The following TFPI variants were observed in gnomAD, a reference collection of about 807,000 sequenced individuals.
TFPI encodes the protein tissue factor pathway inhibitor.
TFPI carries 15 observed loss-of-function variants against 34.6 expected under a neutral mutation model. That is an observed-to-expected ratio of 0.43 (90% CI 0.29 to 0.67). The LOEUF is 0.67. TFPI is among the 30% of genes least tolerant of loss of function. The probability of loss-of-function intolerance (pLI) is 0.15; values close to 1 mark genes in which losing one functional copy is unlikely to be tolerated. For synonymous variants in TFPI, 105 were observed against 120.1 expected (o/e 0.87, Z 0.82); for missense variants, 301 against 364.0 (o/e 0.83, Z 1.41).
In TFPI at chr2:187,554,253, G is replaced by C. The variant is rs891159835; in HGVS notation, c.-56C>G. On this transcript the variant is annotated 5_prime_UTR_variant, in exon 1 of 8. Transcript: ENST00000233156. ...AATGTTTTTTTCAAAACGGAGTTGA[G>C]GTTATTTTGTTTTTCCTTCCAGGTA... The C allele has an allele frequency of 1.3e-5, 2 of 152,042 alleles. No individual in the cohort carries two copies. Among genetic ancestry groups the C allele is most frequent in the African/African-American group, 4.8e-5 (2 of 41,390 alleles). 9.4% of individuals were successfully genotyped at this position (152,042 alleles called of 1,614,324 possible).
At chr2:187,484,670 C>T in intron 5 of TFPI, 141 bp downstream of exon 5, 1 of 671,432 alleles carries the variant, frequency 1.5e-6, no homozygotes, top group Non-Finnish European at 2.3e-6. Flanking sequence ...ACTACAGTCA[C>T]AAATCTCACA....
intron 1 of TFPI, among the ~76,000 whole-genome samples, chr2:187,548,097 A>C (rs1201012150): frequency 6.6e-6 from 1 of 152,116 alleles, no homozygotes; most frequent in Non-Finnish European, 1.5e-5. Context: ...AGAGTTATAC[A>C]GAAAGAAAGA....
chr2:187,553,191 A>G (rs1246375296), intron 1 of TFPI, among the ~76,000 whole-genome samples: 1 of 142,510 alleles, frequency 7.0e-6, no homozygotes, highest in Non-Finnish European at 1.6e-5. Flanking sequence ...CAAAATTGTC[A>G]CAACTTTCCC....
At chr2:187,476,592 A>C (rs1692393178) in intron 6 of TFPI, among the ~76,000 whole-genome samples, 1 of 152,052 alleles carries the variant, frequency 6.6e-6, no homozygotes, top group Non-Finnish European at 1.5e-5. Context: ...TTCCCACCCC[A>C]GCCTTCCAAA....
At chr2:187,478,641 A>G (rs377387629) in intron 6 of TFPI, 17 of 1,607,016 alleles carry the variant, frequency 1.1e-5, no homozygotes, top group Non-Finnish European at 1.4e-5. Flanking sequence ...TCACGTATAC[A>G]TATAAATATT....
intron 1 of TFPI, among the ~76,000 whole-genome samples, chr2:187,545,607 C>A (rs2106320514): frequency 6.6e-6 from 1 of 152,238 alleles, no homozygotes; most frequent in Admixed American, 6.5e-5. Context: ...GCTATTCTCA[C>A]AAATATTTTC....
chr2:187,487,647 G>A (rs915331115), intron 4 of TFPI, among the ~76,000 whole-genome samples: 8 of 151,238 alleles, frequency 5.3e-5, no homozygotes, highest in African/African-American at 1.7e-4. Context: ...TTAAAAGGAC[G>A]TTGGTTTCCC....
chr2:187,547,044 A>T (rs1374182594), intron 1 of TFPI: 1 of 152,204 alleles, frequency 6.6e-6, no homozygotes, highest in Non-Finnish European at 1.5e-5. Flanking sequence ...TTTCTCCTGA[A>T]GGCCTGTTTC....
At position 187,501,145 on chromosome 2, in the gene TFPI, T is replaced by C. The variant is rs8176427; in HGVS notation, c.121+2503A>G. Among the ~76,000 whole-genome samples, 506 of 152,254 alleles carry C rather than the reference T, an allele frequency of 3.3e-3. 3 individuals are homozygous for C. Among genetic ancestry groups the C allele is most frequent in the African/African-American group, 0.012 (484 of 41,544 alleles). ...GGTAATAATTATCTGCCAGCGGCCA[T>C]GAGAAAGCAAAACACATAGAGGGCA... On this transcript the variant is annotated intron_variant, in intron 2 of 7. Coordinates refer to ENST00000233156, the MANE Select transcript of TFPI (RefSeq NM_006287.6).
chr2:187,504,369 A>C (rs1451030963), intron 1 of TFPI, among the ~76,000 whole-genome samples: 1 of 152,118 alleles, frequency 6.6e-6, no homozygotes, highest in African/African-American at 2.4e-5. Flanking sequence ...GGACAAAAGA[A>C]GTGTCTGACA....
chr2:187,482,926 C>G (rs996300064), intron 6 of TFPI, among the ~76,000 whole-genome samples: 1 of 151,922 alleles, frequency 6.6e-6, no homozygotes, highest in Non-Finnish European at 1.5e-5. Context: ...TCGTAGATCT[C>G]ATGTCTCTTT....
chr2:187,517,404 C>G (rs972660284), intron 1 of TFPI: 2 of 151,940 alleles, frequency 1.3e-5, no homozygotes, highest in African/African-American at 2.4e-5. Flanking sequence ...TTATATTTAC[C>G]CAGTAGTCAT....
At chr2:187,498,038 A>C (rs1348236159) in intron 2 of TFPI, among the ~76,000 whole-genome samples, 1 of 151,834 alleles carries the variant, frequency 6.6e-6, no homozygotes, top group East Asian at 1.9e-4. Flanking sequence ...GAAACCTATA[A>C]ATGACCGAAA....
In TFPI at chr2:187,478,482, C is replaced by T. The variant is rs576237812; in HGVS notation, c.628+5642G>A. The T allele has an allele frequency of 1.5e-5, 11 of 725,912 alleles. No individual in the cohort carries two copies. The East Asian group carries it at 1.7e-4, about 11-fold the overall frequency. 45.0% of individuals were successfully genotyped at this position (725,912 alleles called of 1,614,324 possible). A position where few individuals can be genotyped will look rare whatever the true frequency, so the allele number is the denominator to read the frequency against. ...CTTTTTTTCCATGAATAGTTAGGTC[C>T]GGTCAAAAGACTCACAACTAGCACG... On this transcript the variant is annotated intron_variant, in intron 6 of 7. Coordinates refer to ENST00000233156, the MANE Select transcript of TFPI (RefSeq NM_006287.6).
At chr2:187,472,623 A>G (rs1251200983) in intron 6 of TFPI, among the ~76,000 whole-genome samples, 1 of 152,228 alleles carries the variant, frequency 6.6e-6, no homozygotes, top group Non-Finnish European at 1.5e-5. Flanking sequence ...GAAACTGCTT[A>G]TAGCTTGCCA....
In TFPI at chr2:187,506,390, T is replaced by C. The variant is rs1377159034; in HGVS notation, c.-2-2620A>G. On this transcript the variant is annotated intron_variant, in intron 1 of 7. Coordinates refer to ENST00000233156, the MANE Select transcript of TFPI (RefSeq NM_006287.6). ...GAGAAGAATGTACAGAGACTTCTCATACACCTCACACCCAGTTTCCCTATT... is the reference window on the plus strand; with the variant it reads ...GAGAAGAATGTACAGAGACTTCTCACACACCTCACACCCAGTTTCCCTATT... Among the ~76,000 whole-genome samples, 7 of 152,240 alleles carry C rather than the reference T, an allele frequency of 4.6e-5. No homozygotes were observed. The South Asian group carries it at 1.2e-3, about 27-fold the overall frequency.
Position 187,490,711 on chromosome 2 carries a change from TTTTAATTTAATCTAATTATCATTAAAG to T in TFPI, c.320-2363_320-2337del, listed in dbSNP as rs546900611. 2.9e-3 allele frequency among the ~76,000 whole-genome samples: 446 copies of T among 151,886 alleles called. 2 individuals are homozygous for T. Among genetic ancestry groups the T allele is most frequent in the Admixed American group, 4.3e-3 (65 of 15,252 alleles). On this transcript the variant is annotated intron_variant, in intron 3 of 7. Coordinates refer to ENST00000233156, the MANE Select transcript of TFPI (RefSeq NM_006287.6). ...TAACTGGCGTGACTGGACCATTAAA[TTTTAATTTAATCTAATTATCATTAAAG>T]TTGAGTATAAATATCACTAGCAATT...
In TFPI at chr2:187,523,690, A is replaced by G. The variant is rs75131017; in HGVS notation, c.-2-19920T>C. 6.1e-3 allele frequency among the ~76,000 whole-genome samples: 932 copies of G among 152,304 alleles called. 6 individuals carry two copies. Among genetic ancestry groups the G allele is most frequent in the Non-Finnish European group, 1.0e-2 (680 of 68,032 alleles). ...CCACAGAATAGTTGTAGTATCATAC[A>G]GAATATTTTCCTCTAAAAATTCTCT... On this transcript the variant is annotated intron_variant, in intron 1 of 7. Coordinates refer to ENST00000233156, the MANE Select transcript of TFPI (RefSeq NM_006287.6).
chr2:187,523,275 T>C (rs1687503715), intron 1 of TFPI, among the ~76,000 whole-genome samples: 1 of 152,138 alleles, frequency 6.6e-6, no homozygotes, highest in South Asian at 2.1e-4. Flanking sequence ...ATTTTAGCCC[T>C]TGAAACTCAA....
Sources: gnomAD v4.1 joint callset for allele counts (sites outside exome capture counted in the v4.1 genomes callset) on GRCh38, gnomAD v4.1.1 for gene constraint, MANE v1.5 for transcripts, NCBI Gene and HGNC (gene_info 2026-07-23, HGNC 2026-07-21) for gene names.